The following MUC13 variants were observed in gnomAD, a reference collection of about 807,000 sequenced individuals.
MUC13 encodes mucin-13.
A neutral mutation model predicts 48.3 loss-of-function variants in MUC13; 32 were observed. The observed-to-expected ratio is 0.66, with a 90% CI of 0.50 to 0.89. The LOEUF is 0.89. Among genes scored for constraint, MUC13 ranks in the 40% least tolerant of loss-of-function variants. MUC13 has a pLI of 0.00. For missense variants in MUC13, 571 were observed against 622.8 expected (o/e 0.92, Z 0.88); for synonymous variants, 199 against 224.9 (o/e 0.88, Z 1.03).
chr3:124,925,659 C>T (rs1935673429), intron 2 of MUC13, among the ~76,000 whole-genome samples: 1 of 152,168 alleles, frequency 6.6e-6, no homozygotes. Context: ...TGTTGCCCAG[C>T]CTGGAGTGCA....
At chr3:124,934,055 G>C (rs189540739) in intron 1 of MUC13, among the ~76,000 whole-genome samples, 1 of 152,266 alleles carries the variant, frequency 6.6e-6, no homozygotes. Flanking sequence ...GATCCAGAAC[G>C]CTATAGTAGA....
chr3:124,915,016 G>A (rs371294144), intron 6 of MUC13, among the ~76,000 whole-genome samples: 7 of 152,320 alleles, frequency 4.6e-5, no homozygotes, highest in South Asian at 2.1e-4. Flanking sequence ...GCACGAAGGC[G>A]ATTAGGAGAA....
intron 2 of MUC13, among the ~76,000 whole-genome samples, chr3:124,925,703 TC>T (rs960095684): frequency 6.6e-6 from 1 of 152,214 alleles, no homozygotes; most frequent in African/African-American, 2.4e-5. Context: ...AACCTCTGCC[TC>T]CCAGGCTTGA....
intron 3 of MUC13, among the ~76,000 whole-genome samples, chr3:124,922,542 T>A (rs1579368516): frequency 6.6e-6 from 1 of 151,858 alleles, no homozygotes; most frequent in South Asian, 2.1e-4. Context: ...TATGCCATAT[T>A]TTTTTTCTTC....
chr3:124,915,014 G>A (rs2107669021), intron 6 of MUC13, among the ~76,000 whole-genome samples: 1 of 152,302 alleles, frequency 6.6e-6, no homozygotes, highest in East Asian at 1.9e-4. Flanking sequence ...AGGCACGAAG[G>A]CGATTAGGAG....
At chr3:124,929,456 G>A (rs1340892425) in intron 1 of MUC13, among the ~76,000 whole-genome samples, 4 of 152,186 alleles carry the variant, frequency 2.6e-5, no homozygotes, top group African/African-American at 9.7e-5. Context: ...TAAACCTTAG[G>A]GTGCAGAGAA....
Position 124,916,316 on chromosome 3 carries a change from C to T in MUC13, c.964+1G>A. ...TTTGAATAAAATTATACAATACTTACAATCATAGTTTAGAAAGTTGCTTGA... is the reference window on the plus strand; with the variant it reads ...TTTGAATAAAATTATACAATACTTATAATCATAGTTTAGAAAGTTGCTTGA... On this transcript the variant is annotated splice_donor_variant, in intron 6 of 11. Transcript: ENST00000616727. LOFTEE classifies it high-confidence loss of function. 3 of 1,607,518 alleles carry T rather than the reference C, an allele frequency of 1.9e-6. No homozygotes were observed. Among genetic ancestry groups the T allele is most frequent in the Non-Finnish European group, 2.5e-6 (3 of 1,176,782 alleles).
intron 1 of MUC13, among the ~76,000 whole-genome samples, chr3:124,930,110 T>C (rs1351714440): frequency 6.6e-6 from 1 of 152,326 alleles, no homozygotes; most frequent in East Asian, 1.9e-4. Context: ...GGAATATTCA[T>C]TCTCGGCCGA....
chr3:124,924,255 T>G (rs1038233037), intron 2 of MUC13, among the ~76,000 whole-genome samples: 130 of 152,296 alleles, frequency 8.5e-4, no homozygotes, highest in African/African-American at 3.1e-3. Flanking sequence ...AAGTGGATCA[T>G]CTGAATAAAT....
At chr3:124,915,673 G>A (rs1471828089) in intron 6 of MUC13, among the ~76,000 whole-genome samples, 4 of 152,144 alleles carry the variant, frequency 2.6e-5, no homozygotes, top group African/African-American at 9.7e-5. Context: ...TGGTGGGTTC[G>A]TGTGTGTCTA....
chr3:124,929,073 A>T (rs1445000265), intron 1 of MUC13, among the ~76,000 whole-genome samples: 1 of 152,114 alleles, frequency 6.6e-6, no homozygotes, highest in Admixed American at 6.5e-5. Flanking sequence ...CTGAGCTATG[A>T]TGGATATCAA....
chr3:124,925,268 C>A (rs530239923), intron 2 of MUC13, among the ~76,000 whole-genome samples: 46 of 152,196 alleles, frequency 3.0e-4, no homozygotes, highest in South Asian at 1.9e-3. Context: ...CTGGAAAAGG[C>A]AAAACTGTGG....
At chr3:124,923,747 T>G in intron 2 of MUC13, 98 bp from the exon 3 acceptor site, 2 of 1,204,824 alleles carry the variant, frequency 1.7e-6, no homozygotes, top group South Asian at 1.5e-5. Flanking sequence ...CCCTGGGCCC[T>G]TTCCATTCCT....
intron 10 of MUC13, 79 bp downstream of exon 10, chr3:124,910,336 C>A: frequency 6.5e-7 from 1 of 1,546,210 alleles, no homozygotes; most frequent in Non-Finnish European, 8.7e-7. Context: ...GAGTTCGAGA[C>A]CAACATGGGC....
rs761790025 is a variant in MUC13, at chr3:124,927,541, T to G, written c.505A>C (p.Asn169His). Residue 169 changes from asparagine (N) to histidine (H), a missense_variant, in exon 2 of 12, where the codon AAC becomes CAC. By Grantham distance (68) the Asn-to-His change is moderately conservative. Coordinates refer to ENST00000616727, the MANE Select transcript of MUC13 (RefSeq NM_033049.4). ...GTALLETSTL[N>H]STGPSNPCQD... is the part of the protein sequence containing the mutation. Reference sequence around the variant, plus strand: ...AGGGAATTGTCCTTACCTGTGCTGTTTAGGGTGCTGGTCTCCAATAAAGCG... The same window carrying G: ...AGGGAATTGTCCTTACCTGTGCTGTGTAGGGTGCTGGTCTCCAATAAAGCG... 2.6e-5 allele frequency: 42 copies of G among 1,613,820 alleles called. No homozygotes were observed. In the Middle Eastern group the frequency reaches 9.9e-4, roughly 38 times the overall value.
rs1935853329 is a variant in MUC13 at position 124,934,716 on chromosome 3, A to G, written c.-4T>C. On this transcript the variant is annotated 5_prime_UTR_variant, in exon 1 of 12. Transcript: ENST00000616727. ...TAAGATGAATGATGGCTTTCATTTT[A>G]GCTGTTCTTGCTTGGTAATCTGAGG... is the stretch of plus-strand genomic sequence containing the variant. 6.2e-7 allele frequency: 1 copy of G among 1,609,316 alleles called. No individual in the cohort carries two copies. Among genetic ancestry groups the G allele is most frequent in the Non-Finnish European group, 8.5e-7 (1 of 1,175,840 alleles).
At chr3:124,919,360 T>TG (rs1040745073) in intron 5 of MUC13, among the ~76,000 whole-genome samples, 9 of 150,158 alleles carry the variant, frequency 6.0e-5, no homozygotes, top group African/African-American at 2.2e-4. Flanking sequence ...AAAATGGTTT[T>TG]TTTTTTTTTT....
At position 124,934,728 on chromosome 3, in the gene MUC13, T is replaced by C. The variant is rs999453867; in HGVS notation, c.-16A>G. On this transcript the variant is annotated 5_prime_UTR_variant, in exon 1 of 12. Coordinates refer to ENST00000616727, the MANE Select transcript of MUC13 (RefSeq NM_033049.4). The stretch of plus-strand genomic sequence containing the variant: ...TGGCTTTCATTTTAGCTGTTCTTGC[T>C]TGGTAATCTGAGGAGGAAATGATTT... 48 of 1,603,104 alleles carry C rather than the reference T, an allele frequency of 3.0e-5. No homozygotes were observed. Among genetic ancestry groups the C allele is most frequent in the Non-Finnish European group, 4.0e-5 (47 of 1,170,410 alleles).
intron 7 of MUC13, 33 bp downstream of exon 7, chr3:124,913,529 T>C: frequency 6.2e-7 from 1 of 1,613,332 alleles, no homozygotes; most frequent in Non-Finnish European, 8.5e-7. Flanking sequence ...AGTGATGTTA[T>C]GAAGAACATT....
Sources: gnomAD v4.1 joint callset for allele counts (sites outside exome capture counted in the v4.1 genomes callset) on GRCh38, gnomAD v4.1.1 for gene constraint, MANE v1.5 for transcripts, NCBI Gene and HGNC (gene_info 2026-07-23, HGNC 2026-07-21) for gene names.